EXOC6B: variants seen among roughly 807,000 people sequenced by gnomAD.
EXOC6B encodes SEC15 homolog B.
A neutral mutation model predicts 113.5 loss-of-function variants in EXOC6B; 54 were observed. The observed-to-expected ratio is 0.48, with a 90% CI of 0.38 to 0.60. The LOEUF (loss-of-function observed/expected upper bound fraction) is 0.60. Among genes scored for constraint, EXOC6B ranks in the 20% least tolerant of loss-of-function variants. The probability of loss-of-function intolerance (pLI) is 0.00; values close to 1 mark genes in which losing one functional copy is unlikely to be tolerated. For missense variants in EXOC6B, 797 were observed against 977.5 expected (o/e 0.82, Z 2.46); for synonymous variants, 357 against 339.0 (o/e 1.05, Z -0.58).
chr2:72,653,707 T>C (rs1674381995), intron 6 of EXOC6B, among the ~76,000 whole-genome samples: 1 of 151,012 alleles, frequency 6.6e-6, no homozygotes, highest in Non-Finnish European at 1.5e-5. Context: ...ACAATATTAA[T>C]TGACTGACCA....
At chr2:72,251,733 T>A (rs1470040098) in intron 20 of EXOC6B, among the ~76,000 whole-genome samples, 2 of 152,202 alleles carry the variant, frequency 1.3e-5, no homozygotes, top group Non-Finnish European at 2.9e-5. Context: ...TAGTATTTCC[T>A]TGGTTCTGCC....
chr2:72,496,501 T>C lies in EXOC6B; in HGVS notation c.1396A>G (p.Lys466Glu). The C allele has an allele frequency of 6.2e-7, 1 of 1,602,496 alleles. No homozygotes were observed. The highest frequency in any genetic ancestry group is 8.5e-7 in the Non-Finnish European group (1 of 1,173,010). Residue 466 changes from lysine (K) to glutamate (E), a missense_variant, in exon 14 of 22, where the codon AAA becomes GAA. Coordinates refer to ENST00000272427, the MANE Select transcript of EXOC6B (RefSeq NM_015189.3). ...AATGGGAATTGTCCTACCACCTTTTTGTACATCTCTTCACTTGTTACTGGT... is the reference window on the plus strand; with the variant it reads ...AATGGGAATTGTCCTACCACCTTTTCGTACATCTCTTCACTTGTTACTGGT... ...PIPVTSEEMY[K>E]KVVGQFPFQD...
At chr2:72,561,294 T>G (rs186291308) in intron 7 of EXOC6B, among the ~76,000 whole-genome samples, 1 of 152,166 alleles carries the variant, frequency 6.6e-6, no homozygotes, top group South Asian at 2.1e-4. Context: ...AAACTACACA[T>G]GCATATGAAA....
chr2:72,706,434 A>G (rs1678884754), intron 6 of EXOC6B, among the ~76,000 whole-genome samples: 1 of 152,190 alleles, frequency 6.6e-6, no homozygotes, highest in African/African-American at 2.4e-5. Flanking sequence ...CAGTGGGTGC[A>G]ACCATAGCTT....
Position 72,407,709 on chromosome 2 carries a change from G to A in EXOC6B, c.1981-27839C>T, listed in dbSNP as rs565056062. On this transcript the variant is annotated intron_variant, in intron 18 of 21. Coordinates refer to ENST00000272427, the MANE Select transcript of EXOC6B (RefSeq NM_015189.3). ...TCAATAAATTAGGTATTGATGGGAC[G>A]TATCTCAAAATAATAAAAGCTATCT... Among the ~76,000 whole-genome samples the A allele has an allele frequency of 3.7e-4, 56 of 152,202 alleles. No individual in the cohort carries two copies. In the South Asian group the frequency reaches 5.8e-3, roughly 16 times the overall value.
intron 18 of EXOC6B, among the ~76,000 whole-genome samples, chr2:72,417,751 T>C (rs1269091008): frequency 1.3e-5 from 2 of 152,190 alleles, no homozygotes; most frequent in African/African-American, 2.4e-5. Context: ...TGGTATGATA[T>C]ATAACTCCCT....
intron 6 of EXOC6B, among the ~76,000 whole-genome samples, chr2:72,704,501 G>A (rs1429457298): frequency 2.7e-5 from 4 of 148,746 alleles, no homozygotes; most frequent in African/African-American, 9.9e-5. Flanking sequence ...AGGAAATAGA[G>A]ACACAAAAAA....
intron 1 of EXOC6B, among the ~76,000 whole-genome samples, chr2:72,779,662 C>T (rs181052551): frequency 1.4e-3 from 211 of 152,242 alleles, no homozygotes; most frequent in African/African-American, 4.8e-3. Context: ...TAAAATTAAA[C>T]ATGGGACTAA....
At chr2:72,500,974 T>C (rs1384100081) in intron 11 of EXOC6B, among the ~76,000 whole-genome samples, 2 of 152,174 alleles carry the variant, frequency 1.3e-5, no homozygotes, top group African/African-American at 2.4e-5. Flanking sequence ...CTAGTATCGA[T>C]ACCAAATATC....
intron 6 of EXOC6B, among the ~76,000 whole-genome samples, chr2:72,670,434 A>G (rs1157929800): frequency 6.6e-6 from 1 of 152,200 alleles, no homozygotes; most frequent in African/African-American, 2.4e-5. Context: ...AAGTTAGACT[A>G]TATCATTTCT....
intron 6 of EXOC6B, among the ~76,000 whole-genome samples, chr2:72,610,871 A>G (rs1015237083): frequency 6.6e-6 from 1 of 152,170 alleles, no homozygotes; most frequent in African/African-American, 2.4e-5. Context: ...AAACCTGACA[A>G]ACACCACCTT....
At chr2:72,366,443 C>T (rs956316676) in intron 19 of EXOC6B, among the ~76,000 whole-genome samples, 1 of 151,992 alleles carries the variant, frequency 6.6e-6, no homozygotes. Context: ...AACAGAGTAT[C>T]GGTAACCACA....
chr2:72,409,323 T>C (rs1694007684), intron 18 of EXOC6B, among the ~76,000 whole-genome samples: 1 of 152,162 alleles, frequency 6.6e-6, no homozygotes, highest in Non-Finnish European at 1.5e-5. Context: ...TCCTCAGTGA[T>C]CTAGAACTGT....
At chr2:72,557,321 AATAG>A (rs937192497) in intron 8 of EXOC6B, among the ~76,000 whole-genome samples, 1 of 137,512 alleles carries the variant, frequency 7.3e-6, no homozygotes, top group African/African-American at 2.8e-5. Flanking sequence ...ATGAACTGAT[AATAG>A]AGTGTCACAG....
At chr2:72,801,433 T>C (rs546062621) in intron 1 of EXOC6B, among the ~76,000 whole-genome samples, 9 of 152,342 alleles carry the variant, frequency 5.9e-5, no homozygotes, top group African/African-American at 2.2e-4. Context: ...TTTGACTTTA[T>C]TTTAAAGATT....
intron 20 of EXOC6B, among the ~76,000 whole-genome samples, chr2:72,315,189 TAGCTGGAAAAG>T (rs1687437038): frequency 6.6e-6 from 1 of 152,086 alleles, no homozygotes; most frequent in South Asian, 2.1e-4. Context: ...GTAAAACAGG[TAGCTGGAAAAG>T]AGCCTTCCAG....
intron 1 of EXOC6B, among the ~76,000 whole-genome samples, chr2:72,803,160 C>G (rs1685388738): frequency 6.6e-6 from 1 of 152,086 alleles, no homozygotes; most frequent in Admixed American, 6.6e-5. Flanking sequence ...ACAGTAACCC[C>G]AAGTGCACTG....
intron 20 of EXOC6B, among the ~76,000 whole-genome samples, chr2:72,320,565 AAATT>A (rs1469377963): frequency 6.6e-6 from 1 of 152,218 alleles, no homozygotes; most frequent in Non-Finnish European, 1.5e-5. Flanking sequence ...TCATATTGAA[AAATT>A]AACCCAAAAC....
intron 18 of EXOC6B, among the ~76,000 whole-genome samples, chr2:72,408,851 A>G (rs1300598042): frequency 6.6e-6 from 1 of 152,166 alleles, no homozygotes; most frequent in Non-Finnish European, 1.5e-5. Context: ...GCAGCAAAAG[A>G]CAAAATTGAC....
Sources: allele counts gnomAD v4.1 joint callset (sites outside exome capture counted in the v4.1 genomes callset), GRCh38; gene constraint gnomAD v4.1.1; transcripts MANE v1.5; gene names NCBI Gene and HGNC (gene_info 2026-07-23, HGNC 2026-07-21).